DENND6A: variants seen among roughly 807,000 people sequenced by gnomAD.
DENND6A encodes the protein protein DENND6A.
DENND6A carries 43 observed loss-of-function variants against 95.5 expected under a neutral mutation model. The ratio of observed to expected loss-of-function variants is 0.45; its 90% CI spans 0.35 to 0.58. DENND6A has a LOEUF of 0.58. DENND6A is among the 20% of genes least tolerant of loss of function. The probability of loss-of-function intolerance (pLI) is 0.00; values close to 1 mark genes in which losing one functional copy is unlikely to be tolerated. For synonymous variants in DENND6A, 257 were observed against 260.4 expected, an observed-to-expected ratio of 0.99 and a Z score of 0.13; for missense variants, 574 against 736.0, an observed-to-expected ratio of 0.78 and a Z score of 2.55.
chr3:57,675,647 G>C (rs1363847543), intron 1 of DENND6A, among the ~76,000 whole-genome samples: 2 of 152,126 alleles, frequency 1.3e-5, no homozygotes, highest in East Asian at 3.9e-4. Context: ...CACAGCCCCT[G>C]CAAGGAAGCA....
chr3:57,658,376 A>G (rs2071366256), intron 8 of DENND6A, among the ~76,000 whole-genome samples: 1 of 152,092 alleles, frequency 6.6e-6, no homozygotes, highest in Non-Finnish European at 1.5e-5. Flanking sequence ...AAAAAATATT[A>G]AAAATTAGCC....
rs529375256 is a variant in DENND6A, at chr3:57,647,045, A to T, written c.819-607T>A. Among the ~76,000 whole-genome samples the T allele has an allele frequency of 2.8e-4, 43 of 152,304 alleles. No homozygotes were observed. In the South Asian group the frequency reaches 8.9e-3, roughly 32 times the overall value. On this transcript the variant is annotated intron_variant, in intron 9 of 19. Transcript: ENST00000311128. ...TGTTACCAGGCCTAAGACACTTGGT[A>T]ACTTTCACTTATTTAGGAATTTCCT...
chr3:57,672,458 T>G lies in DENND6A; in HGVS notation c.238-20A>C. 1 of 1,607,782 alleles carries G rather than the reference T, an allele frequency of 6.2e-7. No homozygotes were observed. The highest frequency in any genetic ancestry group is 1.7e-5 in the Admixed American group (1 of 59,924). ...AATTACCTGGAAGAAAAGAGTTAAA[T>G]TTTGTTAAACATATTATAAACATTA... On this transcript the variant is annotated intron_variant, in intron 1 of 19. Transcript: ENST00000311128.
rs187137223 is a variant in DENND6A at position 57,682,210 on chromosome 3, G to A, written c.238-9772C>T. 8.2e-3 allele frequency among the ~76,000 whole-genome samples: 1,204 copies of A among 146,870 alleles called. 14 individuals carry two copies. Among genetic ancestry groups the A allele is most frequent in the Middle Eastern group, 0.015 (4 of 270 alleles). On this transcript the variant is annotated intron_variant, in intron 1 of 19. Transcript: ENST00000311128. ...GCAGGAGAATCGCTTGAACCCGGCA[G>A]GCGGAGGTTTTGGTGAGCCAAGATT...
chr3:57,687,705 C>G (rs1368825750), intron 1 of DENND6A, among the ~76,000 whole-genome samples: 1 of 151,980 alleles, frequency 6.6e-6, no homozygotes, highest in African/African-American at 2.4e-5. Context: ...GGTGGAGGCA[C>G]GAGGATCCCT....
Position 57,659,152 on chromosome 3 carries a change from G to A in DENND6A, c.728C>T (p.Pro243Leu), listed in dbSNP as rs1435618318. Residue 243 changes from proline (P) to leucine (L), a missense_variant, in exon 8 of 20, where the codon CCT becomes CTT. Transcript: ENST00000311128. ...KVRIPTCHDK[P>L]GTTQIVQLTQ... ...TAACTGCACTATTTGAGTTGTCCCA[G>A]GCTTGTCATGACATGTGGGAATCCG... 1 of 1,613,944 alleles carries A rather than the reference G, an allele frequency of 6.2e-7. No individual in the cohort carries two copies.
At chr3:57,676,796 T>C (rs2071716508) in intron 1 of DENND6A, among the ~76,000 whole-genome samples, 1 of 152,194 alleles carries the variant, frequency 6.6e-6, no homozygotes, top group Non-Finnish European at 1.5e-5. Context: ...TTCTGAGCTA[T>C]AGCTCAAACT....
chr3:57,673,861 C>T (rs947957912), intron 1 of DENND6A, among the ~76,000 whole-genome samples: 1 of 152,092 alleles, frequency 6.6e-6, no homozygotes, highest in Non-Finnish European at 1.5e-5. Flanking sequence ...TCTTCCCCTC[C>T]CGGGTTCAAG....
intron 12 of DENND6A, among the ~76,000 whole-genome samples, chr3:57,641,141 G>A (rs1029874504): frequency 3.4e-5 from 5 of 145,544 alleles, no homozygotes; most frequent in Non-Finnish European, 7.5e-5. Context: ...AGAAAGTTCT[G>A]TTTTATTGGG....
intron 9 of DENND6A, among the ~76,000 whole-genome samples, chr3:57,650,826 C>T (rs1384390188): frequency 6.6e-6 from 1 of 150,376 alleles, no homozygotes; most frequent in Non-Finnish European, 1.5e-5. Context: ...CTCTTGTTGC[C>T]CAGACTGGAG....
At chr3:57,681,357 G>A (rs1034837987) in intron 1 of DENND6A, among the ~76,000 whole-genome samples, 1 of 151,696 alleles carries the variant, frequency 6.6e-6, no homozygotes. Flanking sequence ...CCAGCTACTC[G>A]GGAGGCTAAG....
chr3:57,630,556 G>T lies in DENND6A; in HGVS notation c.1518-33C>A. The T allele has an allele frequency of 2.6e-6, 4 of 1,563,846 alleles. No homozygotes were observed. The South Asian group carries it at 4.8e-5, about 19-fold the overall frequency. ...AATACATTTTAAAAAAGTAAAGTTTGATTATAACTTATTTCCTTTCCTCAA... is the reference window on the plus strand; with the variant it reads ...AATACATTTTAAAAAAGTAAAGTTTTATTATAACTTATTTCCTTTCCTCAA... On this transcript the variant is annotated intron_variant, in intron 17 of 19. Transcript: ENST00000311128.
Position 57,625,730 on chromosome 3 carries a change from C to A in DENND6A, c.*2484G>T, listed in dbSNP as rs1304541058. The A allele has an allele frequency of 6.6e-6, 1 of 152,212 alleles. No individual in the cohort carries two copies. Among genetic ancestry groups the A allele is most frequent in the African/African-American group, 2.4e-5 (1 of 41,382 alleles). 9.4% of individuals were successfully genotyped at this position (152,212 alleles called of 1,614,324 possible). A position where few individuals can be genotyped will look rare whatever the true frequency, so the allele number is the denominator to read the frequency against. ...CCAGTGCAAATTTACATCATTTTTA[C>A]AAGTACATAGTTTGAAATTAAGAGA... On this transcript the variant is annotated 3_prime_UTR_variant, in exon 20 of 20. Transcript: ENST00000311128.
chr3:57,659,004 C>T, intron 8 of DENND6A, 114 bp downstream of exon 8: 1 of 906,210 alleles, frequency 1.1e-6, no homozygotes, highest in Non-Finnish European at 1.7e-6. Flanking sequence ...TGGGACATTT[C>T]AGTAATATTC....
At chr3:57,684,805 C>T (rs779777089) in intron 1 of DENND6A, among the ~76,000 whole-genome samples, 1 of 152,016 alleles carries the variant, frequency 6.6e-6, no homozygotes, top group Non-Finnish European at 1.5e-5. Context: ...TAATTAGTGA[C>T]GGAAAGGAAT....
intron 1 of DENND6A, among the ~76,000 whole-genome samples, chr3:57,675,555 C>T (rs1192002040): frequency 6.6e-6 from 1 of 152,196 alleles, no homozygotes; most frequent in Non-Finnish European, 1.5e-5. Flanking sequence ...TCTCTGGTCC[C>T]TTTAAAGGAT....
At chr3:57,656,626 A>G (rs2153415196) in intron 9 of DENND6A, among the ~76,000 whole-genome samples, 1 of 152,140 alleles carries the variant, frequency 6.6e-6, no homozygotes, top group South Asian at 2.1e-4. Context: ...AATCTTTTGA[A>G]GCAGTATTCC....
rs2071180983 is a variant in DENND6A at position 57,650,433 on chromosome 3, C to A, written c.819-3995G>T. On this transcript the variant is annotated intron_variant, in intron 9 of 19. Coordinates refer to ENST00000311128, the MANE Select transcript of DENND6A (RefSeq NM_152678.3). ...ACATGCATTTACATACACACACACA[C>A]ACACACACACACATACATACACACA... is the stretch of plus-strand genomic sequence containing the variant. 2.0e-5 allele frequency among the ~76,000 whole-genome samples: 3 copies of A among 151,502 alleles called. No homozygotes were observed. The South Asian group carries it at 6.3e-4, about 32-fold the overall frequency.
Position 57,661,517 on chromosome 3 carries a change from T to C in DENND6A, c.548A>G (p.His183Arg), listed in dbSNP as rs1342734567. Reference protein sequence around the residue: ...LVLISKLPYIHFFHTVLKQIA... With the variant: ...LVLISKLPYIRFFHTVLKQIA... ...CTGTTTGAGCACAGTGTGAAAAAAA[T>C]GAATATAAGGTAGTTTGCTGATCAA... The change falls in exon 6 of 20, where the codon CAT becomes CGT. Residue 183 changes from histidine (H) to arginine (R), a missense_variant. By Grantham distance (29) the His-to-Arg change is conservative. Coordinates refer to ENST00000311128, the MANE Select transcript of DENND6A (RefSeq NM_152678.3). 6.3e-7 allele frequency: 1 copy of C among 1,580,528 alleles called. No individual in the cohort carries two copies. Among genetic ancestry groups the C allele is most frequent in the Non-Finnish European group, 8.5e-7 (1 of 1,172,584 alleles).
Sources: allele counts gnomAD v4.1 joint callset (sites outside exome capture counted in the v4.1 genomes callset), GRCh38; gene constraint gnomAD v4.1.1; transcripts MANE v1.5; gene names NCBI Gene and HGNC (gene_info 2026-07-23, HGNC 2026-07-21).